ATF7: variants seen among roughly 807,000 people sequenced by gnomAD.
ATF7 encodes the protein activating transcription factor 7.
ATF7 carries 10 observed loss-of-function variants against 50.4 expected under a neutral mutation model. That is an observed-to-expected ratio of 0.20 (90% confidence interval 0.12 to 0.34). The LOEUF (loss-of-function observed/expected upper bound fraction) is 0.34, where lower values mean the gene tolerates loss of function less well. Ranked by LOEUF, ATF7 falls within the 10% of genes least tolerant of loss-of-function variation. The pLI is 1.00. For missense variants in ATF7, 465 were observed against 613.9 expected (o/e 0.76, Z 2.56); for synonymous variants, 201 against 226.4 (o/e 0.89, Z 1.01).
chr12:53,587,843 A>ATATATATATATATATTTT, intron 2 of ATF7, among the ~76,000 whole-genome samples: 30 of 61,562 alleles, frequency 4.9e-4, no homozygotes, highest in Non-Finnish European at 6.4e-4. Flanking sequence ...ATATATATAT[A>ATATATATATATATATTTT]TTTTTTTTTT....
intron 3 of ATF7, among the ~76,000 whole-genome samples, chr12:53,546,494 G>C (rs1050178242): frequency 6.7e-6 from 1 of 150,310 alleles, no homozygotes; most frequent in Admixed American, 6.6e-5. Flanking sequence ...TGTCACCCAG[G>C]CTGGAGTGCA....
At chr12:53,537,975 G>C (rs1939322001) in intron 4 of ATF7, among the ~76,000 whole-genome samples, 1 of 151,984 alleles carries the variant, frequency 6.6e-6, no homozygotes, top group Non-Finnish European at 1.5e-5. Flanking sequence ...GCCTCCCAAA[G>C]TGTTGGGATT....
intron 2 of ATF7, among the ~76,000 whole-genome samples, chr12:53,573,776 G>A (rs890489000): frequency 6.6e-6 from 1 of 152,164 alleles, no homozygotes; most frequent in African/African-American, 2.4e-5. Context: ...CTAACCTGCT[G>A]CGGTTTTATC....
intron 6 of ATF7, among the ~76,000 whole-genome samples, 178 bp downstream of exon 6, chr12:53,534,324 G>C (rs1306938592): frequency 6.6e-6 from 1 of 150,822 alleles, no homozygotes; most frequent in East Asian, 1.9e-4. Flanking sequence ...ATAAATATTT[G>C]CTTGTCTATT....
intron 2 of ATF7, among the ~76,000 whole-genome samples, chr12:53,572,524 T>C (rs568722117): frequency 1.5e-4 from 23 of 152,174 alleles, no homozygotes; most frequent in Non-Finnish European, 3.1e-4. Context: ...ACTAGGTTCT[T>C]ACGGTGAATA....
At position 53,600,975 on chromosome 12, in the gene ATF7, C is replaced by T; in HGVS notation, c.26G>A (p.Cys9Tyr). 3 of 1,612,992 alleles carry T rather than the reference C, an allele frequency of 1.9e-6. No individual in the cohort carries two copies. Among genetic ancestry groups the T allele is most frequent in the Non-Finnish European group, 2.5e-6 (3 of 1,179,554 alleles). The part of the protein sequence containing the change: MGDDRPFV[C>Y]NAPGCGQRFT... ...TACCTGTCCACAGCCCGGGGCATTG[C>T]ACACAAACGGTCTGTCGTCTCCCAT... Residue 9 changes from cysteine (C) to tyrosine (Y), a missense_variant, in exon 2 of 12, where the codon TGC becomes TAC. By Grantham distance (194) the Cys-to-Tyr change is radical. Transcript: ENST00000420353.
At chr12:53,526,940 C>T (rs1163499251) in intron 9 of ATF7, among the ~76,000 whole-genome samples, 1 of 148,596 alleles carries the variant, frequency 6.7e-6, no homozygotes, top group Non-Finnish European at 1.5e-5. Flanking sequence ...GGGTGGATCA[C>T]CTGAGGTCAG....
At chr12:53,573,828 C>A (rs1245947177) in intron 2 of ATF7, among the ~76,000 whole-genome samples, 3 of 152,280 alleles carry the variant, frequency 2.0e-5, no homozygotes, top group African/African-American at 7.2e-5. Flanking sequence ...CCCAATTCTA[C>A]CCCCGTCTAG....
At chr12:53,603,310 C>T (rs1319315991) in intron 1 of ATF7, among the ~76,000 whole-genome samples, 1 of 151,810 alleles carries the variant, frequency 6.6e-6, no homozygotes, top group Non-Finnish European at 1.5e-5. Flanking sequence ...TCACATCACA[C>T]TATATGGCTT....
chr12:53,548,669 A>G (rs1019444090), intron 3 of ATF7, among the ~76,000 whole-genome samples: 30 of 152,266 alleles, frequency 2.0e-4, no homozygotes, highest in African/African-American at 7.2e-4. Flanking sequence ...AAACTAATAT[A>G]TGTAGAAAGC....
intron 2 of ATF7, among the ~76,000 whole-genome samples, chr12:53,591,082 G>A (rs1474542407): frequency 6.6e-6 from 1 of 152,156 alleles, no homozygotes; most frequent in Non-Finnish European, 1.5e-5. Context: ...GCACACTGAT[G>A]CAAGATGTTA....
intron 10 of ATF7, 131 bp from the exon 11 acceptor site, chr12:53,523,515 T>A: frequency 1.5e-6 from 1 of 676,460 alleles, no homozygotes; most frequent in Non-Finnish European, 2.6e-6. Flanking sequence ...AGACTCCTGA[T>A]CCAGCAAGGC....
intron 2 of ATF7, among the ~76,000 whole-genome samples, chr12:53,558,760 G>A (rs1940907178): frequency 6.6e-6 from 1 of 152,160 alleles, no homozygotes; most frequent in Non-Finnish European, 1.5e-5. Context: ...ATACTAAGAA[G>A]CATAAAATAG....
intron 2 of ATF7, among the ~76,000 whole-genome samples, chr12:53,599,471 CTA>C (rs113534987): frequency 1.4e-5 from 2 of 147,542 alleles, no homozygotes; most frequent in African/African-American, 2.5e-5. Context: ...TATATATATT[CTA>C]TATATATATA....
intron 2 of ATF7, among the ~76,000 whole-genome samples, chr12:53,553,466 G>GTGAAA (rs1940515853): frequency 6.6e-6 from 1 of 152,186 alleles, no homozygotes; most frequent in Non-Finnish European, 1.5e-5. Context: ...TGGGATTTGG[G>GTGAAA]TGAAAGGACA....
intron 9 of ATF7, among the ~76,000 whole-genome samples, chr12:53,526,253 G>A (rs1938460972): frequency 6.8e-6 from 1 of 146,892 alleles, no homozygotes; most frequent in Non-Finnish European, 1.5e-5. Flanking sequence ...CTGCTTCTCC[G>A]GCCCCCCTTC....
intron 1 of ATF7, among the ~76,000 whole-genome samples, chr12:53,610,624 A>C (rs1943829764): frequency 1.3e-5 from 2 of 152,096 alleles, no homozygotes; most frequent in East Asian, 3.9e-4. Context: ...AACCTCTAAA[A>C]AGTTGTCTAC....
intron 2 of ATF7, among the ~76,000 whole-genome samples, chr12:53,556,624 G>A (rs1391996874): frequency 2.6e-5 from 4 of 152,180 alleles, no homozygotes; most frequent in African/African-American, 9.7e-5. Flanking sequence ...AAACCAAAGT[G>A]ATTGCTAATC....
chr12:53,530,724 C>T (rs981290530), intron 9 of ATF7, among the ~76,000 whole-genome samples: 3 of 152,158 alleles, frequency 2.0e-5, no homozygotes, highest in African/African-American at 7.2e-5. Flanking sequence ...TCTCCTGCCT[C>T]AGCCTCCTGA....
Sources: allele counts gnomAD v4.1 joint callset (sites outside exome capture counted in the v4.1 genomes callset), GRCh38; gene constraint gnomAD v4.1.1; transcripts MANE v1.5; gene names NCBI Gene and HGNC (gene_info 2026-07-23, HGNC 2026-07-21).